The following APOB variants were observed in gnomAD, a reference collection of about 807,000 sequenced individuals.
APOB encodes apolipoprotein B-100.
A neutral mutation model predicts 314.1 loss-of-function variants in APOB; 153 were observed. That is an observed-to-expected ratio of 0.49 (90% CI 0.43 to 0.56). The LOEUF (loss-of-function observed/expected upper bound fraction) is 0.56, where lower values mean the gene tolerates loss of function less well. APOB is among the 20% of genes least tolerant of loss of function. The probability of loss-of-function intolerance (pLI) is 0.00; values close to 1 mark genes in which losing one functional copy is unlikely to be tolerated. For synonymous variants in APOB, 2,087 were observed against 2,036.4 expected, an observed-to-expected ratio of 1.02 and a Z score of -0.67; for missense variants, 5,430 against 5,350.7, an observed-to-expected ratio of 1.01 and a Z score of -0.46.
intron 13 of APOB, 36 bp from the exon 14 acceptor site, chr2:21,028,101 C>G: frequency 7.0e-7 from 1 of 1,433,110 alleles, no homozygotes; most frequent in Non-Finnish European, 9.8e-7. Flanking sequence ...GCTGACACAC[C>G]ATGTTATTAT....
chr2:21,042,589 C>A, intron 2 of APOB, 113 bp from the exon 3 acceptor site: 1 of 780,370 alleles, frequency 1.3e-6, no homozygotes, highest in East Asian at 2.6e-5. Context: ...TAATTCAACT[C>A]AAATTATTTT....
chr2:21,009,220 T>C lies in APOB; in HGVS notation c.7648A>G (p.Ile2550Val), dbSNP rs147565300. ...GCAGCAAGAGTCCACCAATCAGAAATGTAGGTGACAAGTGTGCTATAAACC... is the reference window on the plus strand; with the variant it reads ...GCAGCAAGAGTCCACCAATCAGAAACGTAGGTGACAAGTGTGCTATAAACC... Reference protein sequence around the residue: ...GQVYSTLVTYISDWWTLAAKN... With the variant: ...GQVYSTLVTYVSDWWTLAAKN... Residue 2550 changes from isoleucine to valine, a missense_variant, in exon 26 of 29, where the codon ATT becomes GTT. By Grantham distance (29) the Ile-to-Val change is conservative. This residue lies in a region of APOB where 3,281 missense variants were observed against 3,171.0 expected (regional missense o/e 1.03). Transcript: ENST00000233242. The C allele has an allele frequency of 6.8e-6, 11 of 1,613,950 alleles. No individual in the cohort carries two copies. Among genetic ancestry groups the C allele is most frequent in the Non-Finnish European group, 9.3e-6 (11 of 1,179,964 alleles).
At position 21,016,788 on chromosome 2, in the gene APOB, T is replaced by G. The variant is rs950730342; in HGVS notation, c.3122-139A>C. The G allele has an allele frequency of 2.0e-5, 14 of 693,410 alleles. No homozygotes were observed. In the African/African-American group the frequency reaches 2.1e-4, roughly 10 times the overall value. The allele number at this position is 693,410 out of a possible 1,614,324, so 43.0% of individuals were successfully genotyped here. ...TCATGAGGTCAGGAGATCAAGACCA[T>G]TCTGGCTAACATGGTGAAACCCCGT... is the stretch of plus-strand genomic sequence containing the variant. On this transcript the variant is annotated intron_variant, in intron 20 of 28. Transcript: ENST00000233242.
Position 21,029,738 on chromosome 2 carries a change from G to A in APOB, c.1518C>T (p.Leu506=). The change falls in exon 12 of 29, where the codon CTC becomes CTT. Residue 506 remains leucine, a synonymous_variant. Coordinates refer to ENST00000233242, the MANE Select transcript of APOB (RefSeq NM_000384.3). The part of the protein sequence containing the change: ...GQTMEQLTPE[L]KSSILKCVQS... ...GGACACATTTCAGGATTGAAGACTT[G>A]AGTTCTGGAGTTAACTGCTCCATGG... 1 of 1,614,160 alleles carries A rather than the reference G, an allele frequency of 6.2e-7. No individual in the cohort carries two copies. The highest frequency in any genetic ancestry group is 8.5e-7 in the Non-Finnish European group (1 of 1,180,028).
In APOB at chr2:21,002,566, C is replaced by A; in HGVS notation, c.12856G>T (p.Ala4286Ser). 1 of 1,614,036 alleles carries A rather than the reference C, an allele frequency of 6.2e-7. No homozygotes were observed. Among genetic ancestry groups the A allele is most frequent in the Non-Finnish European group, 8.5e-7 (1 of 1,179,952 alleles). The change falls in exon 29 of 29, where the codon GCC becomes TCC. Residue 4286 changes from alanine to serine, a missense_variant. Transcript: ENST00000233242. The stretch of plus-strand genomic sequence containing the variant: ...TCTGTGGTCTTGAGAGACTGAATGG[C>A]TTTAAATACCTCTTGGGCTTCTTTT... Reference protein sequence around the residue: ...LSKEAQEVFKAIQSLKTTEVL... With the variant: ...LSKEAQEVFKSIQSLKTTEVL...
At position 21,011,159 on chromosome 2, in the gene APOB, A is replaced by G. The variant is rs779014823; in HGVS notation, c.5709T>C (p.Phe1903=). The change falls in exon 26 of 29, where the codon TTT becomes TTC. Residue 1903 remains phenylalanine, a synonymous_variant. Coordinates refer to ENST00000233242, the MANE Select transcript of APOB (RefSeq NM_000384.3). ...TTGTATGTGCATCGATGGTCATGGT[A>G]AACGGGGCCATTACAGAACGGAAGA... ...SNVFRSVMAP[F]TMTIDAHTNG... The G allele has an allele frequency of 6.2e-7, 1 of 1,614,210 alleles. No individual in the cohort carries two copies. The highest frequency in any genetic ancestry group is 1.1e-5 in the South Asian group (1 of 91,084).
Position 21,018,996 on chromosome 2 carries a change from T to C in APOB, c.3117A>G (p.Ala1039=). 1.2e-6 allele frequency: 2 copies of C among 1,614,086 alleles called. No homozygotes were observed. The highest frequency in any genetic ancestry group is 1.7e-6 in the Non-Finnish European group (2 of 1,180,004). ...AGCTGTGTTTTGAATACTCACCTTC[T>C]GCTTGAGTTACAAACTTCAGGGTAT... is the stretch of plus-strand genomic sequence containing the variant. ...LVDTLKFVTQ[A]EGAKQTEATM... The change falls in exon 20 of 29, where the codon GCA becomes GCG. Residue 1039 remains alanine (A), a synonymous_variant. Transcript: ENST00000233242.
In APOB at chr2:21,002,012, A is replaced by G; in HGVS notation, c.13410T>C (p.Ser4470=). The G allele has an allele frequency of 6.2e-7, 1 of 1,614,054 alleles. No individual in the cohort carries two copies. The highest frequency in any genetic ancestry group is 8.5e-7 in the Non-Finnish European group (1 of 1,179,996). The change falls in exon 29 of 29, where the codon TCT becomes TCC. Residue 4470 remains serine, a synonymous_variant. Coordinates refer to ENST00000233242, the MANE Select transcript of APOB (RefSeq NM_000384.3). ...GKGKEKIAEL[S]ATAQEIIKSQ... ...TTTTAATTATTTCCTGAGCAGTGGC[A>G]GAAAGCTCTGCAATCTTCTCTTTCC... is the stretch of plus-strand genomic sequence containing the variant.
Position 21,012,180 on chromosome 2 carries a change from T to C in APOB, c.4688A>G (p.Tyr1563Cys), listed in dbSNP as rs1448131509. The C allele has an allele frequency of 1.9e-6, 3 of 1,601,694 alleles. No homozygotes were observed. In the African/African-American group the frequency reaches 4.0e-5, roughly 22 times the overall value. ...TTTTAAAGTCAGCTCGTAGTTCTCA[T>C]ACTTTAGGGAAGCAGTATTTTTAAT... ...GIIKNTASLK[Y>C]ENYELTLKSD... is the part of the protein sequence containing the mutation. The change falls in exon 26 of 29, where the codon TAT becomes TGT. Residue 1563 changes from tyrosine (Y) to cysteine (C), a missense_variant. Coordinates refer to ENST00000233242, the MANE Select transcript of APOB (RefSeq NM_000384.3).
chr2:21,003,393 G>T, intron 28 of APOB, 59 bp from the exon 29 acceptor site: 1 of 1,442,804 alleles, frequency 6.9e-7, no homozygotes, highest in Non-Finnish European at 9.6e-7. Context: ...ACACAATATA[G>T]TACACTAAAA....
At chr2:21,037,835 G>A in intron 5 of APOB, 123 bp downstream of exon 5, 1 of 1,273,392 alleles carries the variant, frequency 7.9e-7, no homozygotes, top group Non-Finnish European at 1.1e-6. Context: ...CGCCAATCCA[G>A]GGCTTCCTAT....
chr2:21,016,991 A>AAAAAC (rs1440745048), intron 20 of APOB, among the ~76,000 whole-genome samples: 2 of 81,324 alleles, frequency 2.5e-5, no homozygotes, highest in African/African-American at 1.1e-4. Context: ...CTCAAAAAAT[A>AAAAAC]AATAAATAAA....
chr2:21,035,529 T>C, intron 7 of APOB, 55 bp downstream of exon 7: 1 of 1,601,916 alleles, frequency 6.2e-7, no homozygotes, highest in Non-Finnish European at 8.5e-7. Flanking sequence ...TTGAGAAGTG[T>C]TCAGTTCACA....
chr2:21,012,782 A>T, intron 25 of APOB, 131 bp from the exon 26 acceptor site: 1 of 982,014 alleles, frequency 1.0e-6, no homozygotes. Context: ...CTCCATCTGT[A>T]ATGCAAAGAT....
chr2:21,015,609 A>G, intron 21 of APOB, 64 bp from the exon 22 acceptor site: 1 of 1,550,006 alleles, frequency 6.5e-7, no homozygotes, highest in Non-Finnish European at 8.8e-7. Context: ...ATGCAGGATT[A>G]AACAGAAGTT....
At position 21,010,202 on chromosome 2, in the gene APOB, T is replaced by C; in HGVS notation, c.6666A>G (p.Leu2222=). 1.3e-6 allele frequency: 2 copies of C among 1,593,488 alleles called. No homozygotes were observed. Among genetic ancestry groups the C allele is most frequent in the South Asian group, 2.2e-5 (2 of 89,502 alleles). The change falls in exon 26 of 29, where the codon TTA becomes TTG. Residue 2222 remains leucine, a synonymous_variant. Coordinates refer to ENST00000233242, the MANE Select transcript of APOB (RefSeq NM_000384.3). ...LDEHYHIRVN[L]VKTIHDLHLF... is the part of the protein sequence containing the mutation. ...AATGTAGATCATGGATTGTTTTTAC[T>C]AAATTTACACGGATATGATAGTGCT...
In APOB at chr2:21,013,195, T is replaced by A. The variant is rs769694008; in HGVS notation, c.4181A>T (p.Asp1394Val). 1.9e-6 allele frequency: 3 copies of A among 1,613,624 alleles called. No homozygotes were observed. The highest frequency in any genetic ancestry group is 1.1e-5 in the South Asian group (1 of 91,028). The change falls in exon 25 of 29, where the codon GAC becomes GTC. Residue 1394 changes from aspartate to valine, a missense_variant. Physicochemically the swap from Asp to Val is radical, Grantham distance 152. This residue lies in a region of APOB where 2,085 missense variants were observed against 2,079.7 expected (regional missense o/e 1.00). Transcript: ENST00000233242. Reference sequence around the variant, plus strand: ...GTAGGAAAGCAGGTCAACCACAGAGTCAGCCTTCATGTGGTAACGAGCCCG... The same window carrying A: ...GTAGGAAAGCAGGTCAACCACAGAGACAGCCTTCATGTGGTAACGAGCCCG... ...SLRARYHMKA[D>V]SVVDLLSYNV...
rs148951610 is a variant in APOB at position 21,007,592 on chromosome 2, C to T, written c.9276G>A (p.Arg3092=). 2.8e-5 allele frequency: 45 copies of T among 1,614,058 alleles called. No homozygotes were observed. In the African/African-American group the frequency reaches 5.5e-4, roughly 20 times the overall value. ...AQQASWQVSA[R]FNQYKYNQNF... ...TTTGGTTGTACTTATACTGATTGAACCTAGCACTTACTTGCCAACTTGCTT... is the reference window on the plus strand; with the variant it reads ...TTTGGTTGTACTTATACTGATTGAATCTAGCACTTACTTGCCAACTTGCTT... The change falls in exon 26 of 29, where the codon AGG becomes AGA. Residue 3092 remains arginine (R), a synonymous_variant. Coordinates refer to ENST00000233242, the MANE Select transcript of APOB (RefSeq NM_000384.3).
chr2:21,006,771 AG>A lies in APOB; in HGVS notation c.10096del (p.Leu3366SerfsTer16). On this transcript the variant is annotated frameshift_variant, in exon 26 of 29. Transcript: ENST00000233242. LOFTEE classifies it high-confidence loss of function. ...LFNQSDIVAH[L>X]LSSSSSVIDA... ...AATGACAGATGAAGATGAAGAAAGG[AG>A]ATGAGCAACAATATCTGACTGGTTA... 1 of 1,614,152 alleles carries A rather than the reference AG, an allele frequency of 6.2e-7. No individual in the cohort carries two copies. The highest frequency in any genetic ancestry group is 1.6e-4 in the Middle Eastern group (1 of 6,062).
Sources: allele counts gnomAD v4.1 joint callset (sites outside exome capture counted in the v4.1 genomes callset), GRCh38; gene constraint gnomAD v4.1.1; regional missense constraint gnomAD v4.1.1; transcripts MANE v1.5; gene names NCBI Gene and HGNC (gene_info 2026-07-23, HGNC 2026-07-21).